Variants in MTCL1 observed in about 807,000 individuals in gnomAD.
MTCL1 encodes the protein microtubule cross-linking factor 1.
A neutral mutation model predicts 141.4 loss-of-function variants in MTCL1; 79 were observed. The observed-to-expected ratio is 0.56, with a 90% CI of 0.47 to 0.67. MTCL1 has a LOEUF of 0.67. MTCL1 is among the 30% of genes least tolerant of loss of function. The pLI is 0.00. For missense variants in MTCL1, 2,177 were observed against 2,113.9 expected (o/e 1.03, Z -0.59); for synonymous variants, 914 against 875.8 (o/e 1.04, Z -0.77).
exon 15 of MTCL1, chr18:8,825,235 C>G (rs200700286): frequency 6.3e-7 from 1 of 1,596,282 alleles, no homozygotes; most frequent in Admixed American, 1.7e-5. Context: ...CCTTGCACCT[C>G]CCCCAGGCAC....
intron 7 of MTCL1, 64 bp from the exon 7 acceptor site, chr18:8,792,934 T>C: frequency 1.3e-6 from 2 of 1,595,226 alleles, no homozygotes; most frequent in Non-Finnish European, 1.7e-6. Context: ...ATGTCTGTCC[T>C]GCGTCGTCAC....
intron 4 of MTCL1, among the ~76,000 whole-genome samples, chr18:8,770,802 A>G (rs1267752700): frequency 6.6e-6 from 1 of 152,120 alleles, no homozygotes; most frequent in Non-Finnish European, 1.5e-5. Flanking sequence ...CATTATTGCT[A>G]AGGAGGGTTT....
upstream of MTCL1, among the ~76,000 whole-genome samples, chr18:8,717,140 CAG>C (rs1432774758): frequency 3.9e-5 from 6 of 152,276 alleles, no homozygotes; most frequent in Admixed American, 2.0e-4. Flanking sequence ...GCTCGGGATG[CAG>C]AGAGGAGAAA....
At chr18:8,796,383 T>A (rs538864833) in exon 9 of MTCL1, 1 of 1,614,198 alleles carries the variant, frequency 6.2e-7, no homozygotes, top group African/African-American at 1.3e-5. Context: ...ATTTTCCTCT[T>A]CTACGTCAAA....
rs774343952 is a variant in MTCL1 at position 8,810,774 on chromosome 18, T to C, written c.2605-2205T>C. 6.6e-6 allele frequency among the ~76,000 whole-genome samples: 1 copy of C among 152,338 alleles called. No individual in the cohort carries two copies. The highest frequency in any genetic ancestry group is 2.1e-4 in the South Asian group (1 of 4,830). On this transcript the variant is annotated intron_variant, in intron 11 of 16. Transcript: ENST00000359865. This position sits in a 1 kb window ranked among gnomAD's most constrained non-coding sequence, Gnocchi z 5.0. ...CATTCTTTCTACTTAGAAAAAGTTT[T>C]ATTTTCCCCAGATTTACATTTTATA...
intron 4 of MTCL1, among the ~76,000 whole-genome samples, chr18:8,765,728 G>A (rs755316951): frequency 8.5e-5 from 13 of 152,130 alleles, no homozygotes; most frequent in East Asian, 7.7e-4. Context: ...ATCGAGAACC[G>A]AAGCATTAGA....
rs1052876126 is a variant in MTCL1 at position 8,810,110 on chromosome 18, G to A, written c.2605-2869G>A. On this transcript the variant is annotated intron_variant, in intron 11 of 16. Coordinates refer to ENST00000359865, the Ensembl canonical transcript of MTCL1. The surrounding 1 kb of genome is among the most constrained non-coding windows in gnomAD (Gnocchi z 5.0). ...GTTCAGCGATATCGGATGCTTTGAAGAGGACAGGACAGATGAAGGATAAAA... is the reference window on the plus strand; with the variant it reads ...GTTCAGCGATATCGGATGCTTTGAAAAGGACAGGACAGATGAAGGATAAAA... 1.3e-5 allele frequency: 2 copies of A among 154,910 alleles called. No homozygotes were observed. Among genetic ancestry groups the A allele is most frequent in the Non-Finnish European group, 2.9e-5 (2 of 69,754 alleles). 9.6% of individuals were successfully genotyped at this position (154,910 alleles called of 1,614,324 possible).
At chr18:8,734,402 C>G (rs900737307) in intron 4 of MTCL1, among the ~76,000 whole-genome samples, 3 of 152,154 alleles carry the variant, frequency 2.0e-5, no homozygotes, top group Admixed American at 6.5e-5. Context: ...ACTCTCTTGT[C>G]TCCCTTCTTA....
chr18:8,821,433 A>G, intron 13 of MTCL1, 34 bp from the exon 13 acceptor site: 1 of 1,406,952 alleles, frequency 7.1e-7, no homozygotes, highest in South Asian at 1.2e-5. Context: ...AACCAAAATT[A>G]ACCGATTCAG....
chr18:8,802,000 GGATAATGGTTTT>G (rs2144014343), intron 10 of MTCL1: 1 of 152,292 alleles, frequency 6.6e-6, no homozygotes, highest in East Asian at 1.9e-4. Flanking sequence ...TCTCTGTAGG[GGATAATGGTTTT>G]TAGAAAAGAA....
intron 15 of MTCL1, 24 bp downstream of exon 14, chr18:8,826,256 A>C (rs762217380): frequency 9.9e-6 from 15 of 1,518,242 alleles, no homozygotes; most frequent in Non-Finnish European, 1.2e-5. Flanking sequence ...AGTGCCCCAC[A>C]CCCTTCCCCA....
At position 8,828,889 on chromosome 18, in the gene MTCL1, CTCTG is replaced by C. The variant is rs752580280; in HGVS notation, c.4723-13_4723-10del. The C allele has an allele frequency of 7.4e-6, 12 of 1,614,024 alleles. No homozygotes were observed. The East Asian group carries it at 2.5e-4, about 33-fold the overall frequency. Reference sequence around the variant, plus strand: ...CAACCTTCTTGCTTTTCTTTTCTTTCTCTGTCTGTTCTGTCCAGAACCAAACTGT... The same window carrying C: ...CAACCTTCTTGCTTTTCTTTTCTTTCTCTGTTCTGTCCAGAACCAAACTGT... On this transcript the variant is annotated splice_polypyrimidine_tract_variant and intron_variant, in intron 15 of 16. Coordinates refer to ENST00000359865, the Ensembl canonical transcript of MTCL1. This position sits in a 1 kb window ranked among gnomAD's most constrained non-coding sequence, Gnocchi z 5.2.
chr18:8,761,348 C>T (rs113585771), intron 4 of MTCL1, among the ~76,000 whole-genome samples: 15 of 152,274 alleles, frequency 9.9e-5, no homozygotes, highest in East Asian at 1.9e-4. Flanking sequence ...ATACACATAA[C>T]GTAAAAGTTA....
intron 4 of MTCL1, among the ~76,000 whole-genome samples, chr18:8,762,262 T>C (rs2096436123): frequency 6.6e-6 from 1 of 152,228 alleles, no homozygotes; most frequent in Admixed American, 6.5e-5. Flanking sequence ...CCTCTTGCTG[T>C]CATGAGGGCA....
At chr18:8,755,184 C>A (rs895467525) in intron 4 of MTCL1, among the ~76,000 whole-genome samples, 1 of 152,210 alleles carries the variant, frequency 6.6e-6, no homozygotes, top group Non-Finnish European at 1.5e-5. Flanking sequence ...TCAGCGCCAC[C>A]AAAGGACTTG....
chr18:8,751,922 C>T (rs2096373685), intron 4 of MTCL1, among the ~76,000 whole-genome samples: 1 of 152,164 alleles, frequency 6.6e-6, no homozygotes, highest in Admixed American at 6.6e-5. Context: ...ACGTTTAAGG[C>T]CAAGCTGCTG....
Position 8,830,138 on chromosome 18 carries a change from A to G in MTCL1, c.*18+1174A>G. The G allele has an allele frequency of 1.0e-6, 1 of 985,496 alleles. No homozygotes were observed. The highest frequency in any genetic ancestry group is 4.7e-5 in the South Asian group (1 of 21,272). The allele number at this position is 985,496 out of a possible 1,614,324, so 61.0% of individuals were successfully genotyped here. A position where few individuals can be genotyped will look rare whatever the true frequency, so the allele number is the denominator to read the frequency against. The stretch of plus-strand genomic sequence containing the variant: ...ACAGATTTCCCAAACCGTGTGTCCC[A>G]GTCAAGCACTGTGGGCTGCAGTGAG... On this transcript the variant is annotated intron_variant, in intron 16 of 16. Coordinates refer to ENST00000359865, the Ensembl canonical transcript of MTCL1. This position sits in a 1 kb window ranked among gnomAD's most constrained non-coding sequence, Gnocchi z 6.4.
chr18:8,750,675 C>A (rs118112095), intron 4 of MTCL1, among the ~76,000 whole-genome samples: 3 of 152,216 alleles, frequency 2.0e-5, no homozygotes, highest in African/African-American at 7.2e-5. Context: ...TGCCCTGCAA[C>A]GGTCTTGAGA....
intron 14 of MTCL1, among the ~76,000 whole-genome samples, 164 bp from the exon 14 acceptor site, chr18:8,824,535 G>A (rs2076950703): frequency 6.6e-6 from 1 of 152,228 alleles, no homozygotes; most frequent in Non-Finnish European, 1.5e-5. Context: ...ATGCCCGCAG[G>A]GTAAGTCTGT....
Sources: allele counts gnomAD v4.1 joint callset (sites outside exome capture counted in the v4.1 genomes callset), GRCh38; gene constraint gnomAD v4.1.1; non-coding constraint Gnocchi (gnomAD v3.1); transcripts MANE v1.5; gene names NCBI Gene and HGNC (gene_info 2026-07-23, HGNC 2026-07-21).